The following SH3BP1 variants were observed in gnomAD, a reference collection of about 807,000 sequenced individuals.
The protein encoded by SH3BP1 is SH3 domain binding protein 1.
SH3BP1 carries 46 observed loss-of-function variants against 69.8 expected under a neutral mutation model. That is an observed-to-expected ratio of 0.66 (90% CI 0.52 to 0.84). The LOEUF is 0.84. SH3BP1 is among the 40% of genes least tolerant of loss of function. The pLI is 0.00. For synonymous variants in SH3BP1, 403 were observed against 378.0 expected (o/e 1.07, Z -0.77); for missense variants, 868 against 930.9 (o/e 0.93, Z 0.88).
chr22:37,653,246 T>A (rs931257436), intron 16 of SH3BP1, among the ~76,000 whole-genome samples: 1 of 151,756 alleles, frequency 6.6e-6, no homozygotes, highest in Non-Finnish European at 1.5e-5. Context: ...AAGAACAACA[T>A]GACAAAACCC....
chr22:37,650,731 G>T lies in SH3BP1; in HGVS notation c.1598+6G>T, dbSNP rs1043082398. On this transcript the variant is annotated splice_donor_region_variant and intron_variant, in intron 16 of 17. Coordinates refer to ENST00000649765, the MANE Select transcript of SH3BP1 (RefSeq NM_018957.6). ...TCAGCAGCTACCAAGGAAAGGTGAGGACTGAGGGGCTTGAATGGCTCCTGT... is the reference window on the plus strand; with the variant it reads ...TCAGCAGCTACCAAGGAAAGGTGAGTACTGAGGGGCTTGAATGGCTCCTGT... The T allele has an allele frequency of 6.2e-7, 1 of 1,600,116 alleles. No homozygotes were observed. Among genetic ancestry groups the T allele is most frequent in the Non-Finnish European group, 8.5e-7 (1 of 1,171,792 alleles).
chr22:37,643,076 A>ACC, intron 5 of SH3BP1, 22 bp from the exon 6 acceptor site: 1 of 1,435,998 alleles, frequency 7.0e-7, no homozygotes, highest in South Asian at 1.1e-5. Context: ...CAGCACACTG[A>ACC]CCCCCCCATG....
At chr22:37,643,433 CCT>C (rs1322667552) in intron 6 of SH3BP1, 21 of 697,694 alleles carry the variant, frequency 3.0e-5, no homozygotes, top group Non-Finnish European at 4.8e-5. Flanking sequence ...CCTGTTCTCC[CCT>C]CTGTGGAGTG....
intron 8 of SH3BP1, 64 bp downstream of exon 8, chr22:37,644,769 A>G (rs753435095): frequency 5.0e-6 from 8 of 1,603,916 alleles, no homozygotes; most frequent in Non-Finnish European, 6.8e-6. Flanking sequence ...GCCAGGGGCC[A>G]CTGGGGCTCT....
chr22:37,650,896 G>C (rs1161365149), intron 16 of SH3BP1, 171 bp downstream of exon 16: 5 of 829,028 alleles, frequency 6.0e-6, no homozygotes, highest in Non-Finnish European at 9.1e-6. Context: ...CTCAGAGGCG[G>C]AATTTGTCTC....
At chr22:37,645,893 G>GT (rs1932778143) in intron 10 of SH3BP1, among the ~76,000 whole-genome samples, 1 of 151,486 alleles carries the variant, frequency 6.6e-6, no homozygotes, top group African/African-American at 2.4e-5. Context: ...AGTGGTGGCA[G>GT]ATACCCCAAA....
At chr22:37,652,351 A>T (rs1466956039) in intron 16 of SH3BP1, among the ~76,000 whole-genome samples, 1 of 151,834 alleles carries the variant, frequency 6.6e-6, no homozygotes, top group East Asian at 1.9e-4. Context: ...AGATTGGGCA[A>T]CATAGCAAGG....
At chr22:37,652,722 G>A (rs1205394045) in intron 16 of SH3BP1, among the ~76,000 whole-genome samples, 3 of 151,330 alleles carry the variant, frequency 2.0e-5, no homozygotes, top group African/African-American at 7.3e-5. Flanking sequence ...CTACTCGGGA[G>A]GCTGAGGCAG....
chr22:37,653,168 C>T (rs1254851830), intron 16 of SH3BP1, among the ~76,000 whole-genome samples: 1 of 151,316 alleles, frequency 6.6e-6, no homozygotes, highest in Non-Finnish European at 1.5e-5. Context: ...GCCTAGGTGG[C>T]GCACACTTGT....
intron 1 of SH3BP1, 22 bp from the exon 2 acceptor site, chr22:37,641,104 C>T (rs564498679): frequency 1.7e-5 from 22 of 1,286,888 alleles, no homozygotes; most frequent in Admixed American, 6.1e-5. Context: ...ACTCTCCCCC[C>T]CCCCCCCACC....
chr22:37,645,821 C>T (rs1932777053), intron 10 of SH3BP1, among the ~76,000 whole-genome samples: 1 of 152,198 alleles, frequency 6.6e-6, no homozygotes, highest in Non-Finnish European at 1.5e-5. Context: ...AGGGGCTCCA[C>T]TGCCACACAC....
At chr22:37,645,575 C>G in intron 10 of SH3BP1, 65 bp downstream of exon 10, 2 of 1,529,946 alleles carry the variant, frequency 1.3e-6, no homozygotes, top group Non-Finnish European at 1.8e-6. Flanking sequence ...AAACCGCCCA[C>G]TTGCTGCCCT....
intron 14 of SH3BP1, 28 bp downstream of exon 14, chr22:37,648,463 G>A: frequency 7.0e-7 from 1 of 1,428,080 alleles, no homozygotes; most frequent in Non-Finnish European, 9.7e-7. Flanking sequence ...GGGGGAGGTG[G>A]CAGGAGGAAG....
At chr22:37,648,270 C>T (rs1419177002) in intron 13 of SH3BP1, 49 bp from the exon 14 acceptor site, 2 of 1,313,550 alleles carry the variant, frequency 1.5e-6, no homozygotes, top group African/African-American at 1.4e-5. Flanking sequence ...GGAGAATTCT[C>T]AGGGCTGGGT....
chr22:37,644,123 T>C (rs1331053640), intron 7 of SH3BP1, among the ~76,000 whole-genome samples: 2 of 152,218 alleles, frequency 1.3e-5, no homozygotes, highest in East Asian at 3.9e-4. Flanking sequence ...CTTACGCCTG[T>C]AATCCCAGCA....
chr22:37,647,142 T>C, intron 11 of SH3BP1, 125 bp from the exon 12 acceptor site: 3 of 912,128 alleles, frequency 3.3e-6, no homozygotes, highest in South Asian at 1.5e-5. Flanking sequence ...CAAAAGGGCC[T>C]ACAGCCCAAA....
At chr22:37,640,966 G>A (rs1272620901) in intron 1 of SH3BP1, 160 bp from the exon 2 acceptor site, 1 of 637,818 alleles carries the variant, frequency 1.6e-6, no homozygotes, top group Non-Finnish European at 2.8e-6. Context: ...CTCCGACTGG[G>A]ATGAAGCAAC....
chr22:37,645,032 T>C (rs1932758773), intron 9 of SH3BP1, 72 bp downstream of exon 9: 1 of 1,359,920 alleles, frequency 7.4e-7, no homozygotes, highest in African/African-American at 1.4e-5. Context: ...AAGCTCGCAC[T>C]TCATCCTGAA....
intron 11 of SH3BP1, 136 bp downstream of exon 11, chr22:37,647,065 T>A (rs1482520996): frequency 2.7e-6 from 2 of 727,766 alleles, no homozygotes; most frequent in Non-Finnish European, 4.4e-6. Context: ...TAATGTGGGG[T>A]CCATCATGAG....
Sources: allele counts gnomAD v4.1 joint callset (sites outside exome capture counted in the v4.1 genomes callset), GRCh38; gene constraint gnomAD v4.1.1; transcripts MANE v1.5; gene names NCBI Gene and HGNC (gene_info 2026-07-23, HGNC 2026-07-21).